The following CAMSAP1 variants were observed in gnomAD, a reference collection of about 807,000 sequenced individuals.
CAMSAP1 encodes the protein calmodulin-regulated spectrin-associated protein 1.
A neutral mutation model predicts 143.5 loss-of-function variants in CAMSAP1; 58 were observed. The observed-to-expected ratio is 0.40, with a 90% CI of 0.33 to 0.50. The LOEUF (loss-of-function observed/expected upper bound fraction) is 0.50. Among genes scored for constraint, CAMSAP1 ranks in the 20% least tolerant of loss-of-function variants. The pLI is 0.45. For synonymous variants in CAMSAP1, 945 were observed against 859.3 expected, an observed-to-expected ratio of 1.10 and a Z score of -1.74; for missense variants, 1,969 against 2,115.7, an observed-to-expected ratio of 0.93 and a Z score of 1.36.
At chr9:135,884,325 A>G (rs1006668969) in intron 1 of CAMSAP1, among the ~76,000 whole-genome samples, 1 of 152,118 alleles carries the variant, frequency 6.6e-6, no homozygotes, top group African/African-American at 2.4e-5. Context: ...CAGGGGAAGA[A>G]CCAGCTGTGG....
chr9:135,844,346 T>C (rs766892184), intron 7 of CAMSAP1, among the ~76,000 whole-genome samples: 16 of 152,180 alleles, frequency 1.1e-4, no homozygotes, highest in Non-Finnish European at 2.1e-4. Flanking sequence ...TGCTCCTGAA[T>C]GACTACTGGG....
chr9:135,823,977 G>A lies in CAMSAP1; in HGVS notation c.1373C>T (p.Ala458Val). ...GGTTTTTTTTTCTGGCCAGGCTATT[G>A]CTGCTCCTCGAGGCTGACCATCAAC... ...TRVDGQPRGAAIAWPEKKTRP... is the reference protein window; with the variant it reads ...TRVDGQPRGAVIAWPEKKTRP... The change falls in exon 10 of 17, where the codon GCA becomes GTA. Residue 458 changes from alanine (A) to valine (V), a missense_variant. By Grantham distance (64) the Ala-to-Val change is moderately conservative. Coordinates refer to ENST00000389532, the MANE Select transcript of CAMSAP1 (RefSeq NM_015447.4). 2 of 1,588,116 alleles carry A rather than the reference G, an allele frequency of 1.3e-6. No homozygotes were observed. Among genetic ancestry groups the A allele is most frequent in the Non-Finnish European group, 1.7e-6 (2 of 1,166,726 alleles).
At chr9:135,832,578 A>AAAAT (rs905545424) in intron 7 of CAMSAP1, among the ~76,000 whole-genome samples, 3 of 152,184 alleles carry the variant, frequency 2.0e-5, no homozygotes, top group African/African-American at 4.8e-5. Flanking sequence ...TAAATTAGTC[A>AAAAT]AAATAAATAA....
chr9:135,823,871 G>T, intron 10 of CAMSAP1, 79 bp downstream of exon 10: 2 of 1,097,228 alleles, frequency 1.8e-6, no homozygotes, highest in Non-Finnish European at 2.7e-6. Flanking sequence ...ATCCTCAGGG[G>T]GTTGGGGTGA....
At chr9:135,839,580 A>C (rs914817578) in intron 7 of CAMSAP1, among the ~76,000 whole-genome samples, 15 of 152,152 alleles carry the variant, frequency 9.9e-5, no homozygotes, top group Non-Finnish European at 1.9e-4. Context: ...CGACATTAAC[A>C]ACAGCCCCTG....
At chr9:135,891,584 A>G (rs917491660) in intron 1 of CAMSAP1, among the ~76,000 whole-genome samples, 3 of 152,214 alleles carry the variant, frequency 2.0e-5, no homozygotes, top group Non-Finnish European at 4.4e-5. Context: ...AATCAACGTT[A>G]TCCAAAGGAC....
intron 5 of CAMSAP1, among the ~76,000 whole-genome samples, chr9:135,856,524 C>A (rs1273514897): frequency 2.6e-5 from 4 of 152,182 alleles, no homozygotes; most frequent in African/African-American, 9.7e-5. Context: ...CTGCCTGTGG[C>A]CTCGGTAAGA....
At chr9:135,889,163 C>T (rs1204073474) in intron 1 of CAMSAP1, among the ~76,000 whole-genome samples, 1 of 152,222 alleles carries the variant, frequency 6.6e-6, no homozygotes, top group Non-Finnish European at 1.5e-5. Context: ...GCCAGAGCGG[C>T]AGGACGAAGA....
chr9:135,907,049 G>A lies in CAMSAP1; in HGVS notation c.111C>T (p.Ala37=). Residue 37 remains alanine, a synonymous_variant, in exon 1 of 17, where the codon GCC becomes GCT. Transcript: ENST00000389532. ...TCCACTGCAGGTTGGCGGCGATCTT[G>A]GCGCGCGCCGCGTCGTAGCGGTCCA... ...VPLDRYDAAR[A]KIAANLQWIC... 7.5e-6 allele frequency: 9 copies of A among 1,205,564 alleles called. No individual in the cohort carries two copies. Among genetic ancestry groups the A allele is most frequent in the Non-Finnish European group, 9.4e-6 (9 of 958,754 alleles). 74.7% of individuals were successfully genotyped at this position (1,205,564 alleles called of 1,614,324 possible).
At chr9:135,875,890 T>C (rs1036618151) in intron 3 of CAMSAP1, among the ~76,000 whole-genome samples, 1 of 152,224 alleles carries the variant, frequency 6.6e-6, no homozygotes, top group Non-Finnish European at 1.5e-5. Context: ...AGATGTCTTC[T>C]ATAAGACACA....
intron 1 of CAMSAP1, among the ~76,000 whole-genome samples, chr9:135,901,557 G>A (rs981048780): frequency 1.2e-4 from 18 of 152,096 alleles, no homozygotes; most frequent in African/African-American, 3.6e-4. Flanking sequence ...CAAGGCTGCA[G>A]TAAGCTGTGA....
intron 7 of CAMSAP1, among the ~76,000 whole-genome samples, chr9:135,829,352 A>AT (rs1191505229): frequency 1.3e-5 from 2 of 151,802 alleles, no homozygotes; most frequent in African/African-American, 4.8e-5. Context: ...AAAAAAAAAA[A>AT]AAATTAAAGT....
chr9:135,898,670 T>C (rs1230265676), intron 1 of CAMSAP1, among the ~76,000 whole-genome samples: 1 of 152,188 alleles, frequency 6.6e-6, no homozygotes, highest in Admixed American at 6.5e-5. Context: ...CACGGTGAGA[T>C]ACAACCCACC....
intron 5 of CAMSAP1, among the ~76,000 whole-genome samples, chr9:135,859,254 A>C (rs1316700923): frequency 6.6e-6 from 1 of 152,222 alleles, no homozygotes; most frequent in Non-Finnish European, 1.5e-5. Flanking sequence ...TCTGTAAGTG[A>C]GCAGATTCCA....
intron 4 of CAMSAP1, among the ~76,000 whole-genome samples, chr9:135,863,972 C>T (rs1165757635): frequency 1.3e-5 from 2 of 152,188 alleles, no homozygotes; most frequent in Non-Finnish European, 2.9e-5. Flanking sequence ...CTACAAGAGT[C>T]CAGGAACTTG....
chr9:135,848,600 G>C (rs1046734260), intron 7 of CAMSAP1, among the ~76,000 whole-genome samples: 57 of 152,234 alleles, frequency 3.7e-4, no homozygotes, highest in African/African-American at 1.3e-3. Context: ...CTGCTCTCCA[G>C]CCTGTCCATG....
intron 1 of CAMSAP1, among the ~76,000 whole-genome samples, chr9:135,903,078 A>T (rs1838666166): frequency 6.6e-6 from 1 of 152,234 alleles, no homozygotes; most frequent in African/African-American, 2.4e-5. Flanking sequence ...CCTGAAACCA[A>T]GGCCTAGATA....
chr9:135,816,397 G>A (rs1588438795), intron 14 of CAMSAP1, among the ~76,000 whole-genome samples: 1 of 152,186 alleles, frequency 6.6e-6, no homozygotes, highest in East Asian at 1.9e-4. Context: ...CCAGGGATGA[G>A]ACCTAGGGAA....
intron 5 of CAMSAP1, among the ~76,000 whole-genome samples, chr9:135,860,503 T>C (rs913320660): frequency 2.1e-5 from 3 of 143,514 alleles, no homozygotes; most frequent in Non-Finnish European, 4.5e-5. Flanking sequence ...GAGGCTGAGG[T>C]GGGAGAATCG....
Sources: gnomAD v4.1 joint callset for allele counts (sites outside exome capture counted in the v4.1 genomes callset) on GRCh38, gnomAD v4.1.1 for gene constraint, MANE v1.5 for transcripts, NCBI Gene and HGNC (gene_info 2026-07-23, HGNC 2026-07-21) for gene names.